PPIG: variants seen among roughly 807,000 people sequenced by gnomAD.
PPIG encodes the protein peptidyl-prolyl cis-trans isomerase G.
A neutral mutation model predicts 87.9 loss-of-function variants in PPIG; 26 were observed. The ratio of observed to expected loss-of-function variants is 0.30; its 90% CI spans 0.22 to 0.41. The LOEUF (loss-of-function observed/expected upper bound fraction) is 0.41, where lower values mean the gene tolerates loss of function less well. Among genes scored for constraint, PPIG ranks in the 10% least tolerant of loss-of-function variants. The pLI is 1.00. For synonymous variants in PPIG, 308 were observed against 276.5 expected (o/e 1.11, Z -1.13); for missense variants, 722 against 879.4 (o/e 0.82, Z 2.26).
At chr2:169,612,074 C>G (rs1024246219) in intron 7 of PPIG, among the ~76,000 whole-genome samples, 4 of 152,082 alleles carry the variant, frequency 2.6e-5, no homozygotes, top group Non-Finnish European at 5.9e-5. Context: ...CTCCTAGGCT[C>G]AAGTGATCCT....
intron 9 of PPIG, among the ~76,000 whole-genome samples, chr2:169,618,897 CGTCTTCTGCT>C (rs1024873636): frequency 1.3e-5 from 2 of 150,752 alleles, no homozygotes; most frequent in Non-Finnish European, 3.0e-5. Flanking sequence ...AGGTATTTCT[CGTCTTCTGCT>C]AGCTTCTGCT....
chr2:169,629,514 A>G (rs1685981607), intron 9 of PPIG, among the ~76,000 whole-genome samples: 1 of 152,158 alleles, frequency 6.6e-6, no homozygotes, highest in Admixed American at 6.5e-5. Flanking sequence ...TTCCCTCACC[A>G]TCTTGTTTTA....
At chr2:169,626,070 T>TTC (rs886701760) in intron 9 of PPIG, among the ~76,000 whole-genome samples, 3 of 152,228 alleles carry the variant, frequency 2.0e-5, no homozygotes, top group African/African-American at 7.2e-5. Context: ...CATCTCCATG[T>TTC]TCTGACATTA....
intron 13 of PPIG, 21 bp from the exon 14 acceptor site, chr2:169,636,392 A>G: frequency 6.7e-7 from 1 of 1,500,554 alleles, no homozygotes. Context: ...CATTTCCCCA[A>G]TTCTTTTTCT....
chr2:169,585,729 A>T (rs1459363326), intron 1 of PPIG, among the ~76,000 whole-genome samples: 1 of 152,204 alleles, frequency 6.6e-6, no homozygotes, highest in African/African-American at 2.4e-5. Context: ...CAAATACAAA[A>T]GTATTTGCTT....
intron 1 of PPIG, among the ~76,000 whole-genome samples, chr2:169,602,408 C>G (rs140902791): frequency 6.6e-6 from 1 of 152,056 alleles, no homozygotes; most frequent in Non-Finnish European, 1.5e-5. Context: ...CTCTACCTCC[C>G]GGGCTCAAGC....
intron 9 of PPIG, among the ~76,000 whole-genome samples, chr2:169,627,335 G>A (rs1685916527): frequency 2.0e-5 from 3 of 152,154 alleles, no homozygotes; most frequent in Admixed American, 6.5e-5. Flanking sequence ...GACCTCAACC[G>A]ATCCACTAGC....
chr2:169,624,933 G>A (rs1032935967), intron 9 of PPIG, among the ~76,000 whole-genome samples: 6 of 152,088 alleles, frequency 3.9e-5, no homozygotes, highest in Admixed American at 6.5e-5. Context: ...AACTGTTGCC[G>A]TATTCGGAAT....
At chr2:169,633,698 T>A in intron 12 of PPIG, 1 of 174,408 alleles carries the variant, frequency 5.7e-6, no homozygotes, top group Middle Eastern at 2.7e-3. Flanking sequence ...TCAAGCATTT[T>A]AGTTGTCTTC....
At chr2:169,624,764 G>A (rs1225975727) in intron 9 of PPIG, among the ~76,000 whole-genome samples, 3 of 151,942 alleles carry the variant, frequency 2.0e-5, no homozygotes, top group African/African-American at 7.3e-5. Context: ...ATTTCTTTTT[G>A]TATTTTTAGT....
chr2:169,608,953 G>A (rs1056122560), intron 7 of PPIG, among the ~76,000 whole-genome samples, 195 bp downstream of exon 7: 2 of 151,766 alleles, frequency 1.3e-5, no homozygotes, highest in African/African-American at 2.4e-5. Context: ...GCATGGTGTC[G>A]GACGCCTGTA....
chr2:169,630,027 G>A (rs1685994842), intron 9 of PPIG, among the ~76,000 whole-genome samples: 1 of 151,966 alleles, frequency 6.6e-6, no homozygotes. Context: ...ATTTGAATGA[G>A]TATACCTTTA....
rs1686064979 is a variant in PPIG, at chr2:169,631,943, T to TG, written c.929+10_929+11insG. 6.3e-7 allele frequency: 1 copy of TG among 1,583,026 alleles called. No individual in the cohort carries two copies. The highest frequency in any genetic ancestry group is 1.1e-5 in the South Asian group (1 of 89,166). On this transcript the variant is annotated intron_variant, in intron 11 of 13. Transcript: ENST00000260970. ...AAAGGGAAAGAGAGTGGTATGTGAA[T>TG]ATGTATATTTTGCCTTACATGGTTT...
intron 1 of PPIG, among the ~76,000 whole-genome samples, chr2:169,589,365 G>C (rs189051010): frequency 6.6e-6 from 1 of 152,090 alleles, no homozygotes; most frequent in Non-Finnish European, 1.5e-5. Flanking sequence ...TAGCAACTTG[G>C]CATTTGTAAA....
intron 7 of PPIG, among the ~76,000 whole-genome samples, chr2:169,611,170 A>G (rs1006498650): frequency 1.3e-4 from 20 of 152,246 alleles, no homozygotes; most frequent in African/African-American, 4.8e-4. Context: ...AGCCTGGGCT[A>G]CAGAGCAAGA....
At chr2:169,614,400 A>G (rs1465587757) in intron 7 of PPIG, 64 bp from the exon 8 acceptor site, 12 of 1,372,124 alleles carry the variant, frequency 8.7e-6, no homozygotes, top group African/African-American at 2.9e-5. Context: ...TTTTCTTTTT[A>G]GAGATGCTAA....
At chr2:169,627,725 T>TTTTTTTTTA (rs1491338209) in intron 9 of PPIG, among the ~76,000 whole-genome samples, 4 of 143,008 alleles carry the variant, frequency 2.8e-5, no homozygotes, top group African/African-American at 8.1e-5. Flanking sequence ...TTTTTTTTTT[T>TTTTTTTTTA]AATTTCAAAC....
intron 1 of PPIG, among the ~76,000 whole-genome samples, chr2:169,596,617 G>C (rs1048954071): frequency 6.6e-6 from 1 of 152,146 alleles, no homozygotes; most frequent in Non-Finnish European, 1.5e-5. Context: ...TTGAAGACTT[G>C]AAGGCTCCAG....
rs564827122 is a variant in PPIG, at chr2:169,605,195, G to A, written c.137-844G>A. On this transcript the variant is annotated intron_variant, in intron 4 of 13. Transcript: ENST00000260970. ...CTGAAAAAATAAAAATTAGCCAGGCGTGGTAGTGGGTGCCTGTAATCCCAG... is the reference window on the plus strand; with the variant it reads ...CTGAAAAAATAAAAATTAGCCAGGCATGGTAGTGGGTGCCTGTAATCCCAG... 1.7e-4 allele frequency among the ~76,000 whole-genome samples: 26 copies of A among 152,236 alleles called. No homozygotes were observed. The South Asian group carries it at 3.1e-3, about 18-fold the overall frequency.
Sources: gnomAD v4.1 joint callset for allele counts (sites outside exome capture counted in the v4.1 genomes callset) on GRCh38, gnomAD v4.1.1 for gene constraint, MANE v1.5 for transcripts, NCBI Gene and HGNC (gene_info 2026-07-23, HGNC 2026-07-21) for gene names.